Variants in DUSP18 observed in about 807,000 individuals in gnomAD.
DUSP18 encodes dual specificity protein phosphatase 18.
In DUSP18, 4 loss-of-function variants were observed where a neutral mutation model predicts 6.3. The ratio of observed to expected loss-of-function variants is 0.63; its 90% CI spans 0.31 to 1.45. The LOEUF (loss-of-function observed/expected upper bound fraction) is 1.45, where lower values mean the gene tolerates loss of function less well. Ranked by LOEUF, DUSP18 falls within the 40% of genes most tolerant of loss-of-function variation. The pLI, the probability that DUSP18 is intolerant of heterozygous loss-of-function variation, is 0.07. For synonymous variants in DUSP18, 96 were observed against 95.1 expected (o/e 1.01, Z -0.05); for missense variants, 235 against 247.7 (o/e 0.95, Z 0.34).
chr22:30,659,123 C>CAAAAAAAAAA (rs35939188), downstream of DUSP18, among the ~76,000 whole-genome samples: 1 of 104,746 alleles, frequency 9.5e-6, no homozygotes, highest in Admixed American at 1.0e-4. Context: ...GACTCCATCT[C>CAAAAAAAAAA]AAAAAAAAAA....
At chr22:30,652,464 G>A (rs1366702900) in intron 2 of DUSP18, among the ~76,000 whole-genome samples, 1 of 152,196 alleles carries the variant, frequency 6.6e-6, no homozygotes, top group East Asian at 1.9e-4. Context: ...CTTTGGGAAA[G>A]GGCCATTATC....
At position 30,664,058 on chromosome 22, in the gene DUSP18, T is replaced by A; in HGVS notation, c.-55A>T. 6.7e-7 allele frequency: 1 copy of A among 1,500,284 alleles called. No homozygotes were observed. Among genetic ancestry groups the A allele is most frequent in the East Asian group, 2.4e-5 (1 of 42,114 alleles). The allele number at this position is 1,500,284 out of a possible 1,614,324, so 92.9% of individuals were successfully genotyped here. The stretch of plus-strand genomic sequence containing the variant: ...GCGAAGCACGAAGGCTGCGTCTTTC[T>A]GCTAGGCTGTGTCCATGGAAAACTG... On this transcript the variant is annotated 5_prime_UTR_variant, in exon 2 of 2. It introduces an in-frame stop codon into an upstream open reading frame of the 5' UTR. Transcript: ENST00000334679.
At chr22:30,658,267 G>A (rs748023226), downstream of DUSP18, among the ~76,000 whole-genome samples, 13 of 151,804 alleles carry the variant, frequency 8.6e-5, no homozygotes, top group South Asian at 2.1e-4. Context: ...GGCTGGGTGC[G>A]GTTGCTCATG....
At chr22:30,652,294 G>A (rs1192289888) in exon 3 of DUSP18, 1 of 152,222 alleles carries the variant, frequency 6.6e-6, no homozygotes, top group African/African-American at 2.4e-5. Context: ...ATCAAGGGCA[G>A]GGGCTGCAAA....
intron 2 of DUSP18, chr22:30,654,231 G>A (rs1304864764): frequency 1.7e-5 from 6 of 361,284 alleles, no homozygotes; most frequent in African/African-American, 4.3e-5. Flanking sequence ...TGATCTGCCC[G>A]CCTCCGCCTC....
Position 30,652,488 on chromosome 22 carries a change from TCTATAAA to T in DUSP18, c.*34-198_*34-192del, listed in dbSNP as rs540463179. ...AGGGCCATTATCATCTTCATTTTAA[TCTATAAA>T]CTATAAACTAAGTTTCTCCGAATGT... On this transcript the variant is annotated intron_variant, in intron 2 of 2. Transcript: ENST00000404885. Among the ~76,000 whole-genome samples the T allele has an allele frequency of 1.6e-3, 239 of 152,360 alleles. 1 individual carries two copies. Among genetic ancestry groups the T allele is most frequent in the African/African-American group, 4.6e-3 (191 of 41,588 alleles).
At chr22:30,656,705 C>A (rs774312859), downstream of DUSP18, among the ~76,000 whole-genome samples, 2 of 152,210 alleles carry the variant, frequency 1.3e-5, no homozygotes, top group Non-Finnish European at 2.9e-5. Flanking sequence ...ACAGTGTGAA[C>A]TGTTTGGGAA....
downstream of DUSP18, among the ~76,000 whole-genome samples, chr22:30,660,260 C>T (rs2088430296): frequency 6.6e-6 from 1 of 152,102 alleles, no homozygotes; most frequent in South Asian, 2.1e-4. Flanking sequence ...TTTGTTACAG[C>T]ACCAAGAGTA....
At chr22:30,666,040 C>A (rs1217720415) in intron 1 of DUSP18, among the ~76,000 whole-genome samples, 1 of 152,142 alleles carries the variant, frequency 6.6e-6, no homozygotes, top group Non-Finnish European at 1.5e-5. Context: ...GCATCAGGCT[C>A]ATTCCCGGAA....
chr22:30,667,104 ATGAAGTATT>A (rs1284407704), intron 1 of DUSP18: 2 of 152,200 alleles, frequency 1.3e-5, no homozygotes, highest in Non-Finnish European at 2.9e-5. Flanking sequence ...TTTACAGCCT[ATGAAGTATT>A]TGGCTTCCCT....
Position 30,663,748 on chromosome 22 carries a change from T to C in DUSP18, c.256A>G (p.Ile86Val), listed in dbSNP as rs1318972538. ...TCCACGCTGTGGATATGGTCAGCAA[T>C]AGGGTCAAAGAAGTCACAGAGACGT... The part of the protein sequence containing the change: ...NSRLCDFFDP[I>V]ADHIHSVEMK... The change falls in exon 2 of 2, where the codon ATT (isoleucine) becomes GTT (valine). Residue 86 changes from isoleucine to valine, a missense_variant. Transcript: ENST00000334679. 4.3e-6 allele frequency: 7 copies of C among 1,613,984 alleles called. No individual in the cohort carries two copies. Among genetic ancestry groups the C allele is most frequent in the Non-Finnish European group, 5.9e-6 (7 of 1,180,030 alleles).
chr22:30,663,181 C>T lies in DUSP18; in HGVS notation c.*256G>A, dbSNP rs2088525955. 2.2e-6 allele frequency: 1 copy of T among 446,234 alleles called. No homozygotes were observed. The highest frequency in any genetic ancestry group is 2.0e-5 in the African/African-American group (1 of 50,800). The allele number at this position is 446,234 out of a possible 1,614,324, so 27.6% of individuals were successfully genotyped here. ...GTGCTGCCCTCTTTCTTCTGGGCAC[C>T]ATCTGCCTCAACCTATCCCCTGGCC... On this transcript the variant is annotated 3_prime_UTR_variant, in exon 2 of 2. Transcript: ENST00000334679.
downstream of DUSP18, among the ~76,000 whole-genome samples, chr22:30,660,893 G>A (rs148947860): frequency 0.01 from 1,564 of 151,192 alleles, 21 homozygotes; most frequent in African/African-American, 0.034. Context: ...AGGCTGGAGT[G>A]CAATGTCCTG....
In DUSP18 at chr22:30,663,799, C is replaced by G. The variant is rs770466616; in HGVS notation, c.205G>C (p.Val69Leu). Residue 69 changes from valine to leucine, a missense_variant, in exon 2 of 2, where the codon GTA becomes CTA. By Grantham distance (32) the Val-to-Leu change is conservative (BLOSUM62 1). Transcript: ENST00000334679. Reference protein sequence around the residue: ...TLYEDIQYMQVPVADSPNSRL... With the variant: ...TLYEDIQYMQLPVADSPNSRL... ...GAGTTAGGGGAGTCAGCCACAGGTA[C>G]CTGCATGTACTGGATATCCTCATAC... 2 of 1,614,082 alleles carry G rather than the reference C, an allele frequency of 1.2e-6. No individual in the cohort carries two copies. Among genetic ancestry groups the G allele is most frequent in the African/African-American group, 2.7e-5 (2 of 74,936 alleles).
downstream of DUSP18, among the ~76,000 whole-genome samples, chr22:30,659,469 G>T (rs1196896762): frequency 6.6e-6 from 1 of 152,038 alleles, no homozygotes; most frequent in African/African-American, 2.4e-5. Context: ...CGCCTCCTGG[G>T]TTCAAGCGAT....
At chr22:30,657,571 A>G (rs1318855319), downstream of DUSP18, among the ~76,000 whole-genome samples, 6 of 151,778 alleles carry the variant, frequency 4.0e-5, no homozygotes, top group African/African-American at 1.2e-4. Context: ...CCAGCCTGGG[A>G]AATATGGTGA....
chr22:30,654,838 A>T (rs1239688443), intron 2 of DUSP18: 2 of 185,250 alleles, frequency 1.1e-5, no homozygotes. Context: ...CTGGGAAAGG[A>T]GTTCCCTATT....
downstream of DUSP18, among the ~76,000 whole-genome samples, chr22:30,660,291 T>C (rs972457798): frequency 1.4e-5 from 2 of 147,006 alleles, no homozygotes; most frequent in Non-Finnish European, 3.0e-5. Context: ...TTATCCAAAA[T>C]GAGCAGCAGA....
intron 2 of DUSP18, among the ~76,000 whole-genome samples, chr22:30,653,255 G>A (rs2088259647): frequency 6.6e-6 from 1 of 152,072 alleles, no homozygotes; most frequent in Non-Finnish European, 1.5e-5. Context: ...CCACTGCCCT[G>A]AACCCTTCGG....
Sources: allele counts gnomAD v4.1 joint callset (sites outside exome capture counted in the v4.1 genomes callset), GRCh38; gene constraint gnomAD v4.1.1; transcripts MANE v1.5; gene names NCBI Gene and HGNC (gene_info 2026-07-23, HGNC 2026-07-21).